NAXD: variants seen among roughly 807,000 people sequenced by gnomAD.
NAXD encodes the protein NAD(P)HX dehydratase, also known as ATP-dependent (S)-NAD(P)H-hydrate dehydratase.
NAXD carries 22 observed loss-of-function variants against 35.8 expected under a neutral mutation model. That is an observed-to-expected ratio of 0.62 (90% CI 0.44 to 0.88). NAXD has a LOEUF of 0.88. NAXD is among the 40% of genes least tolerant of loss of function. The pLI, the probability that NAXD is intolerant of heterozygous loss-of-function variation, is 0.00. For missense variants in NAXD, 428 were observed against 437.7 expected (o/e 0.98, Z 0.20); for synonymous variants, 189 against 177.6 (o/e 1.06, Z -0.51).
At chr13:110,629,444 T>A (rs1886624840) in intron 5 of NAXD, among the ~76,000 whole-genome samples, 2 of 152,186 alleles carry the variant, frequency 1.3e-5, no homozygotes, top group African/African-American at 4.8e-5. Flanking sequence ...AAGCAGCCCA[T>A]CCCCGTTAGC....
Position 110,620,579 on chromosome 13 carries a change from A to G in NAXD, c.47-1637A>G, listed in dbSNP as rs1323190686. ...TGGCGACAGAGTGAGACTCTGTCTC[A>G]AAAAAAAAAAAAAAAAAGAATTTGG... On this transcript the variant is annotated intron_variant, in intron 1 of 9. Coordinates refer to ENST00000680254, the MANE Select transcript of NAXD (RefSeq NM_001242882.2). Among the ~76,000 whole-genome samples, 7 of 79,132 alleles carry G rather than the reference A, an allele frequency of 8.8e-5. No individual in the cohort carries two copies. In the South Asian group the frequency reaches 2.9e-3, roughly 33 times the overall value. 51.9% of individuals were successfully genotyped at this position (79,132 alleles called of 152,430 possible).
chr13:110,616,976 A>G (rs1886084383), intron 1 of NAXD, among the ~76,000 whole-genome samples: 2 of 152,246 alleles, frequency 1.3e-5, no homozygotes, highest in Non-Finnish European at 2.9e-5. Context: ...CACTCACACC[A>G]GCAGGGAGGC....
intron 5 of NAXD, among the ~76,000 whole-genome samples, chr13:110,629,529 C>T (rs1594177934): frequency 6.6e-6 from 1 of 152,248 alleles, no homozygotes; most frequent in East Asian, 1.9e-4. Flanking sequence ...TCTCTGGATT[C>T]GCCTGTTCAG....
intron 5 of NAXD, among the ~76,000 whole-genome samples, chr13:110,633,961 T>C: frequency 6.6e-6 from 1 of 152,230 alleles, no homozygotes; most frequent in East Asian, 1.9e-4. Context: ...GTTGGAGAAC[T>C]GGATGCCCTT....
At chr13:110,624,179 A>G in intron 2 of NAXD, 55 bp from the exon 3 acceptor site, 1 of 965,608 alleles carries the variant, frequency 1.0e-6, no homozygotes, top group South Asian at 1.4e-5. Context: ...TTTATTGATC[A>G]AGGTATGCTT....
chr13:110,630,976 C>T (rs1275782532), intron 5 of NAXD, among the ~76,000 whole-genome samples: 4 of 152,178 alleles, frequency 2.6e-5, no homozygotes, highest in Non-Finnish European at 4.4e-5. Flanking sequence ...TGTTTTGGCT[C>T]TCCTGGGTCC....
chr13:110,624,820 G>A (rs1285702318), intron 3 of NAXD, among the ~76,000 whole-genome samples: 1 of 152,214 alleles, frequency 6.6e-6, no homozygotes, highest in Non-Finnish European at 1.5e-5. Context: ...CCACCAAAGT[G>A]CACCTGGGAT....
chr13:110,636,466 A>G (rs760005875), intron 8 of NAXD, among the ~76,000 whole-genome samples: 24 of 151,994 alleles, frequency 1.6e-4, no homozygotes, highest in Non-Finnish European at 3.5e-4. Context: ...ACAGCCTCGC[A>G]CACGCCCTCG....
intron 4 of NAXD, among the ~76,000 whole-genome samples, chr13:110,626,536 A>AG (rs1453125524): frequency 1.2e-4 from 8 of 69,190 alleles, no homozygotes; most frequent in African/African-American, 4.5e-4. Context: ...CTGGAAGACG[A>AG]GGGAGTAAGA....
chr13:110,634,964 G>A (rs1458810335), intron 7 of NAXD, among the ~76,000 whole-genome samples, 188 bp downstream of exon 7: 1 of 152,220 alleles, frequency 6.6e-6, no homozygotes, highest in Non-Finnish European at 1.5e-5. Context: ...TGGTGTAGTG[G>A]GCTTGGGACA....
Position 110,638,106 on chromosome 13 carries a change from G to A in NAXD, c.840-272G>A. ...CAGCTTGTGCCGCCTGGCTTTCCCCGGGAACACCTGGCCCACTGTGTGCCC... is the reference window on the plus strand; with the variant it reads ...CAGCTTGTGCCGCCTGGCTTTCCCCAGGAACACCTGGCCCACTGTGTGCCC... On this transcript the variant is annotated intron_variant, in intron 9 of 9. Coordinates refer to ENST00000680254, the MANE Select transcript of NAXD (RefSeq NM_001242882.2). The surrounding 1 kb of genome is among the most constrained non-coding windows in gnomAD (Gnocchi z 5.4). 6 of 884,180 alleles carry A rather than the reference G, an allele frequency of 6.8e-6. No individual in the cohort carries two copies. The highest frequency in any genetic ancestry group is 4.9e-5 in the South Asian group (3 of 61,056). The allele number at this position is 884,180 out of a possible 1,614,324, so 54.8% of individuals were successfully genotyped here.
chr13:110,624,306 G>C lies in NAXD; in HGVS notation c.243+27G>C, dbSNP rs770213673. 4.9e-5 allele frequency: 71 copies of C among 1,456,896 alleles called. No homozygotes were observed. In the East Asian group the frequency reaches 1.6e-3, roughly 33 times the overall value. The allele number at this position is 1,456,896 out of a possible 1,614,324, so 90.2% of individuals were successfully genotyped here. On this transcript the variant is annotated intron_variant, in intron 3 of 9. Coordinates refer to ENST00000680254, the MANE Select transcript of NAXD (RefSeq NM_001242882.2). The stretch of plus-strand genomic sequence containing the variant: ...TATGTTTACTTAAAATTTCTTTATT[G>C]GGATTTTTCTGGTAGAGAGTTTGAT...
intron 1 of NAXD, among the ~76,000 whole-genome samples, chr13:110,617,988 G>A (rs1234887428): frequency 1.3e-5 from 2 of 152,146 alleles, no homozygotes; most frequent in Non-Finnish European, 2.9e-5. Flanking sequence ...ATTCCTCGTG[G>A]GCAGGCAGTA....
At chr13:110,635,818 C>T (rs1886905092) in intron 8 of NAXD, among the ~76,000 whole-genome samples, 1 of 152,248 alleles carries the variant, frequency 6.6e-6, no homozygotes, top group Admixed American at 6.5e-5. Context: ...GAGCCGTGGG[C>T]CTTACCCGTT....
rs757040665 is a variant in NAXD, at chr13:110,638,329, G to GA, written c.840-48dup. The GA allele has an allele frequency of 6.2e-7, 1 of 1,613,358 alleles. No individual in the cohort carries two copies. The highest frequency in any genetic ancestry group is 1.7e-5 in the Admixed American group (1 of 59,894). Reference sequence around the variant, plus strand: ...GAGCCCAGGGTAGCTGCGGCCCCCGGACCACGACGCCCACTTCCCCACACC... The same window carrying GA: ...GAGCCCAGGGTAGCTGCGGCCCCCGGAACCACGACGCCCACTTCCCCACACC... On this transcript the variant is annotated intron_variant, in intron 9 of 9. Coordinates refer to ENST00000680254, the MANE Select transcript of NAXD (RefSeq NM_001242882.2). This position sits in a 1 kb window ranked among gnomAD's most constrained non-coding sequence, Gnocchi z 5.4.
chr13:110,634,522 A>G (rs1449742312), intron 5 of NAXD, 23 bp from the exon 6 acceptor site: 2 of 1,613,258 alleles, frequency 1.2e-6, no homozygotes, highest in Non-Finnish European at 1.7e-6. Flanking sequence ...CATGGTGCTC[A>G]GTCTGGTTTT....
chr13:110,635,410 T>C (rs928400265), intron 7 of NAXD, 58 bp from the exon 8 acceptor site: 48 of 1,588,074 alleles, frequency 3.0e-5, no homozygotes, highest in Non-Finnish European at 8.6e-6. Flanking sequence ...CAGGGCTATC[T>C]GTCGTCGTGT....
chr13:110,628,988 C>T lies in NAXD; in HGVS notation c.441+1441C>T, dbSNP rs544028269. 1.3e-4 allele frequency among the ~76,000 whole-genome samples: 19 copies of T among 151,614 alleles called. No individual in the cohort carries two copies. The South Asian group carries it at 3.9e-3, about 31-fold the overall frequency. On this transcript the variant is annotated intron_variant, in intron 5 of 9. Coordinates refer to ENST00000680254, the MANE Select transcript of NAXD (RefSeq NM_001242882.2). This position sits in a 1 kb window ranked among gnomAD's most constrained non-coding sequence, Gnocchi z 4.1. ...GAAGTGAGGGTGTGCGTCGCTGCCC[C>T]TGCAGCCCAGACTCTGGACCTTGCA...
chr13:110,638,628 T>C lies in NAXD; in HGVS notation c.*100T>C, dbSNP rs1482139953. On this transcript the variant is annotated 3_prime_UTR_variant, in exon 10 of 10. Coordinates refer to ENST00000680254, the MANE Select transcript of NAXD (RefSeq NM_001242882.2). This position sits in a 1 kb window ranked among gnomAD's most constrained non-coding sequence, Gnocchi z 5.4. Reference sequence around the variant, plus strand: ...CGCGTGTGCTGAAGGCGTACGGTGCTTGCCAGATTTTCAACTTGAGCATAA... The same window carrying C: ...CGCGTGTGCTGAAGGCGTACGGTGCCTGCCAGATTTTCAACTTGAGCATAA... The C allele has an allele frequency of 7.5e-7, 1 of 1,329,628 alleles. No individual in the cohort carries two copies. The highest frequency in any genetic ancestry group is 1.1e-6 in the Non-Finnish European group (1 of 936,566). 82.4% of individuals were successfully genotyped at this position (1,329,628 alleles called of 1,614,324 possible). A position where few individuals can be genotyped will look rare whatever the true frequency, so the allele number is the denominator to read the frequency against.
Sources: allele counts gnomAD v4.1 joint callset (sites outside exome capture counted in the v4.1 genomes callset), GRCh38; gene constraint gnomAD v4.1.1; non-coding constraint Gnocchi (gnomAD v3.1); transcripts MANE v1.5; gene names NCBI Gene and HGNC (gene_info 2026-07-23, HGNC 2026-07-21).